Variants in GLIS3 observed in about 807,000 individuals in gnomAD.
GLIS3 encodes zinc finger protein GLIS3.
In GLIS3, 53 loss-of-function variants were observed where a neutral mutation model predicts 78.6. The observed-to-expected ratio is 0.67, with a 90% CI of 0.54 to 0.85. The LOEUF is 0.85. Among genes scored for constraint, GLIS3 ranks in the 40% least tolerant of loss-of-function variants. The pLI, the probability that GLIS3 is intolerant of heterozygous loss-of-function variation, is 0.00. For synonymous variants in GLIS3, 684 were observed against 509.9 expected (o/e 1.34, Z -4.60); for missense variants, 1,703 against 1,231.1 (o/e 1.38, Z -5.74).
chr9:4,336,882 G>A lies in GLIS3; in HGVS notation n.264+10199C>T, dbSNP rs550887934. Among the ~76,000 whole-genome samples the A allele has an allele frequency of 3.7e-4, 57 of 152,226 alleles. 1 individual carries two copies. The highest frequency in any genetic ancestry group is 4.1e-4 in the South Asian group (2 of 4,822). On this transcript the variant is annotated intron_variant and non_coding_transcript_variant, in intron 2 of 4. Coordinates refer to the GLIS3 transcript ENST00000471664. ...ACAAAGTTATCTGTCAATTCTACAT[G>A]AATACTCATATATTCTGATAAGGAA...
chr9:4,171,636 T>C lies in GLIS3; in HGVS notation c.389-45695A>G, dbSNP rs369213794. Among the ~76,000 whole-genome samples the C allele has an allele frequency of 1.7e-4, 26 of 152,336 alleles. No homozygotes were observed. The East Asian group carries it at 3.5e-3, about 20-fold the overall frequency. On this transcript the variant is annotated intron_variant, in intron 2 of 10. Coordinates refer to ENST00000381971, the MANE Select transcript of GLIS3 (RefSeq NM_001042413.2). ...ATCATTTAGTGTGACCTTTAGTGGA[T>C]TGATAAGTCATCACATGATATAAAA... is the stretch of plus-strand genomic sequence containing the variant.
intron 8 of GLIS3, among the ~76,000 whole-genome samples, chr9:3,876,794 T>C (rs7027280): frequency 0.9 from 133,484 of 148,500 alleles, 60,699 homozygotes; most frequent in East Asian, 1. Context: ...TGCCATTCTT[T>C]ATATGTTACA....
chr9:4,159,396 G>C (rs1347393811), intron 2 of GLIS3, among the ~76,000 whole-genome samples: 2 of 152,176 alleles, frequency 1.3e-5, no homozygotes, highest in East Asian at 3.8e-4. Context: ...TGCTGGAGAA[G>C]GTACTTATAG....
chr9:3,905,140 A>ATTTTTTTTTTTTTT (rs369063136), intron 6 of GLIS3, among the ~76,000 whole-genome samples: 1 of 109,110 alleles, frequency 9.2e-6, no homozygotes. Flanking sequence ...GCCCGGTTAA[A>ATTTTTTTTTTTTTT]TTTTTTTCTT....
chr9:3,860,131 C>G (rs1048623869), intron 8 of GLIS3, among the ~76,000 whole-genome samples: 3 of 151,694 alleles, frequency 2.0e-5, no homozygotes, highest in African/African-American at 7.3e-5. Flanking sequence ...AAATATTAGC[C>G]GGGTGTAGTG....
At chr9:3,988,521 G>A (rs899013619) in intron 4 of GLIS3, among the ~76,000 whole-genome samples, 1 of 152,116 alleles carries the variant, frequency 6.6e-6, no homozygotes, top group Non-Finnish European at 1.5e-5. Flanking sequence ...TTAATGTATA[G>A]CTACAGTAAT....
chr9:3,866,353 C>T lies in GLIS3; in HGVS notation c.2298-10169G>A, dbSNP rs553070513. Among the ~76,000 whole-genome samples the T allele has an allele frequency of 3.9e-5, 6 of 152,176 alleles. No homozygotes were observed. The South Asian group carries it at 8.3e-4, about 21-fold the overall frequency. On this transcript the variant is annotated intron_variant, in intron 8 of 10. Transcript: ENST00000381971. ...TAAAGAGTAAAGGGAGCCAGCTACTCGGGAGGCTGAGGCAGGAGAATGGCA... is the reference window on the plus strand; with the variant it reads ...TAAAGAGTAAAGGGAGCCAGCTACTTGGGAGGCTGAGGCAGGAGAATGGCA...
At chr9:4,090,442 G>T (rs978801332) in intron 4 of GLIS3, among the ~76,000 whole-genome samples, 6 of 150,704 alleles carry the variant, frequency 4.0e-5, no homozygotes, top group African/African-American at 1.5e-4. Flanking sequence ...GCCTTCTTTG[G>T]GACTTAAAGT....
chr9:4,221,452 C>A (rs1393615110), intron 2 of GLIS3, among the ~76,000 whole-genome samples: 1 of 152,214 alleles, frequency 6.6e-6, no homozygotes, highest in Non-Finnish European at 1.5e-5. Flanking sequence ...ATGTATCATG[C>A]AGGGTCCATG....
the GLIS3 span, among the ~76,000 whole-genome samples, chr9:4,455,507 G>A: frequency 6.6e-6 from 1 of 152,152 alleles, no homozygotes; most frequent in Admixed American, 6.5e-5. Flanking sequence ...TTCCAGCCCT[G>A]TCACTAAACA....
the GLIS3 span, among the ~76,000 whole-genome samples, chr9:4,466,761 A>G: frequency 3.3e-5 from 5 of 152,188 alleles, no homozygotes; most frequent in African/African-American, 1.2e-4. Flanking sequence ...ACTGAGGTAC[A>G]GGGTTCATCT....
At chr9:4,133,563 T>G (rs1034068730) in intron 2 of GLIS3, among the ~76,000 whole-genome samples, 1 of 152,108 alleles carries the variant, frequency 6.6e-6, no homozygotes, top group Non-Finnish European at 1.5e-5. Context: ...ACTAGCTGTG[T>G]GACCTTGGAC....
intron 4 of GLIS3, among the ~76,000 whole-genome samples, chr9:4,306,842 C>G (rs1191299412): frequency 6.6e-6 from 1 of 152,216 alleles, no homozygotes; most frequent in African/African-American, 2.4e-5. Context: ...ATACCCCTTG[C>G]TGATATAAGC....
chr9:4,104,693 T>G (rs1830623725), intron 4 of GLIS3, among the ~76,000 whole-genome samples: 2 of 152,166 alleles, frequency 1.3e-5, no homozygotes, highest in Non-Finnish European at 2.9e-5. Context: ...TTGGACTCCT[T>G]GATGTTTCTA....
At chr9:3,952,596 C>A (rs904237634) in intron 4 of GLIS3, among the ~76,000 whole-genome samples, 1 of 152,122 alleles carries the variant, frequency 6.6e-6, no homozygotes, top group Non-Finnish European at 1.5e-5. Context: ...GTGCTCCATG[C>A]GTGAAAATTA....
the GLIS3 span, among the ~76,000 whole-genome samples, chr9:4,376,170 A>C: frequency 6.6e-6 from 1 of 152,304 alleles, no homozygotes; most frequent in African/African-American, 2.4e-5. Context: ...GTTCTCAGGC[A>C]TGACTCTGGT....
rs116580634 is a variant in GLIS3, at chr9:3,897,235, A to G, written c.2128+1456T>C. Among the ~76,000 whole-genome samples the G allele has an allele frequency of 3.7e-3, 559 of 152,298 alleles. 5 individuals are homozygous for G. Among genetic ancestry groups the G allele is most frequent in the African/African-American group, 0.013 (522 of 41,558 alleles). ...ATATTGTATGTTAGGCCATTTTTCA[A>G]TCACTTCTGGTTAGTGTTGACTGTT... On this transcript the variant is annotated intron_variant, in intron 7 of 10. Transcript: ENST00000381971.
chr9:4,140,664 A>C (rs1196743389), intron 2 of GLIS3, among the ~76,000 whole-genome samples: 1 of 152,080 alleles, frequency 6.6e-6, no homozygotes, highest in Admixed American at 6.6e-5. Flanking sequence ...GTAATTGTTA[A>C]CTCTGAGCTC....
At position 4,344,270 on chromosome 9, in the gene GLIS3, A is replaced by G. The variant is rs12336897; in HGVS notation, n.264+2811T>C. Among the ~76,000 whole-genome samples, 605 of 152,256 alleles carry G rather than the reference A, an allele frequency of 4.0e-3. 10 individuals are homozygous for G. Among genetic ancestry groups the G allele is most frequent in the African/African-American group, 0.014 (581 of 41,548 alleles). ...CCCACCCCCACTACCATTTCATTGA[A>G]ACAGCTCTCTTCAAGGCCACTAATG... On this transcript the variant is annotated intron_variant and non_coding_transcript_variant, in intron 2 of 4. Transcript: ENST00000471664.
Sources: gnomAD v4.1 joint callset for allele counts (sites outside exome capture counted in the v4.1 genomes callset) on GRCh38, gnomAD v4.1.1 for gene constraint, MANE v1.5 for transcripts, NCBI Gene and HGNC (gene_info 2026-07-23, HGNC 2026-07-21) for gene names.